AGAP1: variants seen among roughly 807,000 people sequenced by gnomAD.
The protein encoded by AGAP1 is arf-GAP with GTPase, ANK repeat and PH domain-containing protein 1.
In AGAP1, 29 loss-of-function variants were observed where a neutral mutation model predicts 105.3. The observed-to-expected ratio is 0.28, with a 90% confidence interval of 0.21 to 0.38. The LOEUF (loss-of-function observed/expected upper bound fraction) is 0.38. Among genes scored for constraint, AGAP1 ranks in the 10% least tolerant of loss-of-function variants. AGAP1 has a pLI of 1.00. For synonymous variants in AGAP1, 509 were observed against 485.9 expected (o/e 1.05, Z -0.63); for missense variants, 998 against 1,165.1 (o/e 0.86, Z 2.09).
At position 235,676,714 on chromosome 2, in the gene AGAP1, T is replaced by C. The variant is rs1948755221; in HGVS notation, c.164-32465T>C. Among the ~76,000 whole-genome samples the C allele has an allele frequency of 2.0e-5, 3 of 152,250 alleles. No homozygotes were observed. The South Asian group carries it at 6.2e-4, about 32-fold the overall frequency. On this transcript the variant is annotated intron_variant, in intron 1 of 17. Transcript: ENST00000304032. ...AAATATTTTCGGTATATGGTTTTTG[T>C]TTCTGATAGGAATTCTCCTTTAGGC...
chr2:235,675,144 G>A (rs1948657927), intron 1 of AGAP1, among the ~76,000 whole-genome samples: 1 of 150,420 alleles, frequency 6.6e-6, no homozygotes, highest in South Asian at 2.1e-4. Context: ...AATTTGATTT[G>A]TTACTGAAAA....
chr2:235,990,012 C>G (rs1472834477), intron 13 of AGAP1, among the ~76,000 whole-genome samples: 2 of 152,032 alleles, frequency 1.3e-5, no homozygotes, highest in African/African-American at 4.8e-5. Flanking sequence ...CAGTGTCTCA[C>G]GGAGATTCAG....
In AGAP1 at chr2:236,120,045, C is replaced by A; in HGVS notation, c.2115-147C>A. The stretch of plus-strand genomic sequence containing the variant: ...GTTTTGTGAAGGTGGATAAACGTTT[C>A]CCCCAGGGGGCTTTGTGCCGAGTGA... On this transcript the variant is annotated intron_variant, in intron 16 of 17. Coordinates refer to ENST00000304032, the MANE Select transcript of AGAP1 (RefSeq NM_001037131.3). This position sits in a 1 kb window ranked among gnomAD's most constrained non-coding sequence, Gnocchi z 6.0. 1 of 1,145,604 alleles carries A rather than the reference C, an allele frequency of 8.7e-7. No homozygotes were observed. Among genetic ancestry groups the A allele is most frequent in the Non-Finnish European group, 1.2e-6 (1 of 815,028 alleles). The allele number at this position is 1,145,604 out of a possible 1,614,324, so 71.0% of individuals were successfully genotyped here. A position where few individuals can be genotyped will look rare whatever the true frequency, so the allele number is the denominator to read the frequency against.
chr2:235,522,717 A>T (rs562890150), intron 1 of AGAP1, among the ~76,000 whole-genome samples: 1 of 152,290 alleles, frequency 6.6e-6, no homozygotes, highest in South Asian at 2.1e-4. Flanking sequence ...TGGGAAAGAC[A>T]AGCAAGATGG....
chr2:235,767,701 G>A (rs2149823913), intron 6 of AGAP1, among the ~76,000 whole-genome samples: 1 of 151,966 alleles, frequency 6.6e-6, no homozygotes, highest in Non-Finnish European at 1.5e-5. Context: ...GGGGTTGGCA[G>A]TGGGCTGGGG....
rs1216454019 is a variant in AGAP1 at position 235,734,531 on chromosome 2, A to G, written c.311-6432A>G. ...TTCATCCTTAGCTCAGGCATGAAAAAAAAAAAAAGAATAGTAAAAATTAAA... is the reference window on the plus strand; with the variant it reads ...TTCATCCTTAGCTCAGGCATGAAAAGAAAAAAAAGAATAGTAAAAATTAAA... On this transcript the variant is annotated intron_variant, in intron 3 of 17. Coordinates refer to ENST00000304032, the MANE Select transcript of AGAP1 (RefSeq NM_001037131.3). This position sits in a 1 kb window ranked among gnomAD's most constrained non-coding sequence, Gnocchi z 5.3. 2.6e-5 allele frequency among the ~76,000 whole-genome samples: 4 copies of G among 152,196 alleles called. No individual in the cohort carries two copies. The highest frequency in any genetic ancestry group is 1.9e-4 in the East Asian group (1 of 5,190).
chr2:235,648,035 A>G (rs531822164), intron 1 of AGAP1, among the ~76,000 whole-genome samples: 1 of 152,204 alleles, frequency 6.6e-6, no homozygotes, highest in Admixed American at 6.5e-5. Flanking sequence ...CCAACCCCCA[A>G]GTTATTCTTA....
chr2:235,603,101 C>T (rs1010529985), intron 1 of AGAP1, among the ~76,000 whole-genome samples: 2 of 152,120 alleles, frequency 1.3e-5, no homozygotes, highest in Non-Finnish European at 2.9e-5. Context: ...TGGGAGGGAC[C>T]CAGTGGGGGA....
chr2:236,115,126 C>A (rs1576339435), intron 16 of AGAP1, among the ~76,000 whole-genome samples: 1 of 152,354 alleles, frequency 6.6e-6, no homozygotes, highest in African/African-American at 2.4e-5. Flanking sequence ...GTACCCGCGG[C>A]CCCGTGCCAC....
chr2:235,968,720 A>C, intron 13 of AGAP1, 97 bp downstream of exon 13: 12 of 1,176,020 alleles, frequency 1.0e-5, no homozygotes, highest in East Asian at 2.7e-5. Flanking sequence ...AGCACAACAA[A>C]TGCACAGTAA....
rs1339342337 is a variant in AGAP1 at position 235,614,966 on chromosome 2, C to G, written c.164-94213C>G. On this transcript the variant is annotated intron_variant, in intron 1 of 17. Transcript: ENST00000304032. This position sits in a 1 kb window ranked among gnomAD's most constrained non-coding sequence, Gnocchi z 4.7. ...TGAAAATAGTCAAAGTCCAAGTAAACTTCTGCCTGTGTGTGGTGCGCTCAA... is the reference window on the plus strand; with the variant it reads ...TGAAAATAGTCAAAGTCCAAGTAAAGTTCTGCCTGTGTGTGGTGCGCTCAA... 1.3e-5 allele frequency among the ~76,000 whole-genome samples: 2 copies of G among 152,208 alleles called. No homozygotes were observed. The highest frequency in any genetic ancestry group is 2.9e-5 in the Non-Finnish European group (2 of 68,038).
At chr2:235,494,934 CCA>C in intron 1 of AGAP1, 85 bp downstream of exon 1, 3 of 1,315,874 alleles carry the variant, frequency 2.3e-6, no homozygotes, top group Non-Finnish European at 2.0e-6. Flanking sequence ...GTGCGGGTGT[CCA>C]CACACGCCGG....
intron 13 of AGAP1, among the ~76,000 whole-genome samples, chr2:235,999,488 AGAGG>A (rs2055992365): frequency 1.5e-5 from 2 of 136,554 alleles, no homozygotes; most frequent in Admixed American, 1.5e-4. Flanking sequence ...GACGATGGTG[AGAGG>A]TGGTGGTGGT....
At chr2:235,674,863 G>A (rs1404493403) in intron 1 of AGAP1, among the ~76,000 whole-genome samples, 1 of 151,464 alleles carries the variant, frequency 6.6e-6, no homozygotes, top group African/African-American at 2.4e-5. Context: ...TAATTTTTGT[G>A]TTTTTAGTAG....
rs539369762 is a variant in AGAP1 at position 235,967,509 on chromosome 2, A to G, written c.1484-953A>G. ...ATGTTTATCTGTTTCTCCTCGATCA[A>G]TGATGGCTGCCAAGCATCTTGAAAA... On this transcript the variant is annotated intron_variant, in intron 12 of 17. Transcript: ENST00000304032. The surrounding 1 kb of genome is among the most constrained non-coding windows in gnomAD (Gnocchi z 4.7). 3.3e-5 allele frequency among the ~76,000 whole-genome samples: 5 copies of G among 152,204 alleles called. No homozygotes were observed. The highest frequency in any genetic ancestry group is 2.1e-4 in the South Asian group (1 of 4,826).
intron 6 of AGAP1, among the ~76,000 whole-genome samples, chr2:235,791,988 T>A (rs868066647): frequency 4.9e-4 from 74 of 152,334 alleles, no homozygotes; most frequent in Admixed American, 1.3e-3. Context: ...GTGTTTAGTC[T>A]CATGTGAATT....
In AGAP1 at chr2:235,961,731, A is replaced by G. The variant is rs1444884326; in HGVS notation, c.1484-6731A>G. Reference sequence around the variant, plus strand: ...GAGACCATCCTGGCCAACATGTTGAAACCCGTCTCTACTAAAAATACGAAA... The same window carrying G: ...GAGACCATCCTGGCCAACATGTTGAGACCCGTCTCTACTAAAAATACGAAA... On this transcript the variant is annotated intron_variant, in intron 12 of 17. Transcript: ENST00000304032. This position sits in a 1 kb window ranked among gnomAD's most constrained non-coding sequence, Gnocchi z 5.9. 6.6e-6 allele frequency among the ~76,000 whole-genome samples: 1 copy of G among 152,176 alleles called. No homozygotes were observed. Among genetic ancestry groups the G allele is most frequent in the East Asian group, 1.9e-4 (1 of 5,180 alleles).
chr2:235,701,981 T>C lies in AGAP1; in HGVS notation c.164-7198T>C, dbSNP rs1047031557. Among the ~76,000 whole-genome samples the C allele has an allele frequency of 2.6e-5, 4 of 152,326 alleles. No homozygotes were observed. In the South Asian group the frequency reaches 6.2e-4, roughly 24 times the overall value. ...TGCTAAAAATAATAGTTAAAATCCT[T>C]GTGACGTTTAAGGTTTTCAAAGAAA... On this transcript the variant is annotated intron_variant, in intron 1 of 17. Coordinates refer to ENST00000304032, the MANE Select transcript of AGAP1 (RefSeq NM_001037131.3). This position sits in a 1 kb window ranked among gnomAD's most constrained non-coding sequence, Gnocchi z 4.1.
At chr2:235,940,733 G>C (rs560048600) in intron 12 of AGAP1, among the ~76,000 whole-genome samples, 1 of 152,192 alleles carries the variant, frequency 6.6e-6, no homozygotes, top group African/African-American at 2.4e-5. Flanking sequence ...TGTTTTCCTA[G>C]CATCTGTCAC....
Sources: allele counts gnomAD v4.1 joint callset (sites outside exome capture counted in the v4.1 genomes callset), GRCh38; gene constraint gnomAD v4.1.1; non-coding constraint Gnocchi (gnomAD v3.1); transcripts MANE v1.5; gene names NCBI Gene and HGNC (gene_info 2026-07-23, HGNC 2026-07-21).